LOXHD1: variants seen among roughly 807,000 people sequenced by gnomAD.
LOXHD1 encodes lipoxygenase homology PLAT domains 1.
A neutral mutation model predicts 248.2 loss-of-function variants in LOXHD1; 205 were observed. That is an observed-to-expected ratio of 0.83 (90% CI 0.74 to 0.93). The LOEUF is 0.93. Among genes scored for constraint, LOXHD1 ranks in the 40% least tolerant of loss-of-function variants. LOXHD1 has a pLI of 0.00. For missense variants in LOXHD1, 2,930 were observed against 2,971.6 expected (o/e 0.99, Z 0.33); for synonymous variants, 1,113 against 1,162.8 (o/e 0.96, Z 0.87).
intron 4 of LOXHD1, among the ~76,000 whole-genome samples, chr18:46,637,860 T>A (rs1443472946): frequency 6.6e-6 from 1 of 152,202 alleles, no homozygotes; most frequent in Non-Finnish European, 1.5e-5. Context: ...TCAAAAGCTT[T>A]AAGCATGTAC....
At chr18:46,478,194 A>G (rs1307621815) in intron 40 of LOXHD1, among the ~76,000 whole-genome samples, 1 of 151,648 alleles carries the variant, frequency 6.6e-6, no homozygotes, top group Non-Finnish European at 1.5e-5. Context: ...TTTGCCCCTC[A>G]TACTCCATGT....
chr18:46,548,693 G>A (rs142794626), intron 21 of LOXHD1, among the ~76,000 whole-genome samples: 108 of 152,202 alleles, frequency 7.1e-4, no homozygotes, highest in African/African-American at 2.5e-3. Context: ...AAAGAGCTGG[G>A]GTCAGAGCAG....
In LOXHD1 at chr18:46,524,575, G is replaced by A. The variant is rs941555102; in HGVS notation, c.4767C>T (p.Asn1589=). Residue 1589 remains asparagine (N), a synonymous_variant, in exon 31 of 41, where the codon AAC becomes AAT. Coordinates refer to ENST00000642948, the MANE Select transcript of LOXHD1 (RefSeq NM_001384474.1). The part of the protein sequence containing the change: ...EKEYTGDRSS[N]CSSPADFWEI... ...CCCAGAAGTCAGCAGGGCTGCTGCA[G>A]TTGCTGCTGCGGTCCCCAGTGTACT... 5.2e-6 allele frequency: 8 copies of A among 1,551,760 alleles called. No homozygotes were observed. The highest frequency in any genetic ancestry group is 6.1e-6 in the Non-Finnish European group (7 of 1,147,004).
At chr18:46,547,387 T>A (rs1223490873) in intron 21 of LOXHD1, among the ~76,000 whole-genome samples, 2 of 152,204 alleles carry the variant, frequency 1.3e-5, no homozygotes, top group African/African-American at 4.8e-5. Flanking sequence ...TTCCAACCCT[T>A]TCCAGAATGA....
intron 4 of LOXHD1, among the ~76,000 whole-genome samples, chr18:46,630,227 G>C (rs1239468482): frequency 6.6e-6 from 1 of 152,174 alleles, no homozygotes; most frequent in Non-Finnish European, 1.5e-5. Flanking sequence ...CAGCCCCCAG[G>C]TCAGCTGCAA....
rs771306615 is a variant in LOXHD1 at position 46,524,786 on chromosome 18, G to A, written c.4662C>T (p.Asp1554=). The A allele has an allele frequency of 3.6e-5, 56 of 1,551,506 alleles. No homozygotes were observed. Among genetic ancestry groups the A allele is most frequent in the Middle Eastern group, 1.7e-4 (1 of 6,014 alleles). ...KVEIWNDTNE[D]EFLFLCGRWL... ...AGCGCCCGCATAGGAACAGGAACTC[G>A]TCCTCGTTGGTGTCATTCCAGATCT... Residue 1554 remains aspartate (D), a synonymous_variant, in exon 30 of 41, where the codon GAC becomes GAT. Transcript: ENST00000642948.
intron 40 of LOXHD1, among the ~76,000 whole-genome samples, chr18:46,478,766 C>T (rs2032270225): frequency 6.6e-6 from 1 of 152,142 alleles, no homozygotes; most frequent in African/African-American, 2.4e-5. Context: ...GATCATAGCT[C>T]ACTATAACCT....
intron 8 of LOXHD1, among the ~76,000 whole-genome samples, chr18:46,598,923 G>C (rs1054639710): frequency 6.6e-6 from 1 of 152,076 alleles, no homozygotes; most frequent in Non-Finnish European, 1.5e-5. Flanking sequence ...TTCTTCATGG[G>C]ATTTGGCAAA....
rs1239421447 is a variant in LOXHD1 at position 46,507,604 on chromosome 18, T to C, written c.5626A>G (p.Ile1876Val). 1.1e-5 allele frequency: 17 copies of C among 1,551,746 alleles called. No individual in the cohort carries two copies. The highest frequency in any genetic ancestry group is 1.3e-5 in the Non-Finnish European group (15 of 1,146,994). The stretch of plus-strand genomic sequence containing the variant: ...CACTCCATCATTTCTTCCTCATCGA[T>C]AACGGCACACATTTCACACACCAGG... ...KTLVCEMCAV[I>V]DEEEMMEWTS... The change falls in exon 36 of 41, where the codon ATC (isoleucine) becomes GTC (valine). Residue 1876 changes from isoleucine to valine, a missense_variant. Physicochemically the swap from Ile to Val is conservative, Grantham distance 29. Transcript: ENST00000642948.
chr18:46,588,582 A>G (rs1348569821), intron 12 of LOXHD1, among the ~76,000 whole-genome samples: 1 of 152,158 alleles, frequency 6.6e-6, no homozygotes, highest in African/African-American at 2.4e-5. Context: ...CTCCACATAG[A>G]AGACCTAGCT....
At chr18:46,607,872 A>G (rs1019276838) in intron 6 of LOXHD1, among the ~76,000 whole-genome samples, 1 of 152,174 alleles carries the variant, frequency 6.6e-6, no homozygotes, top group Non-Finnish European at 1.5e-5. Flanking sequence ...AAGAGACCAG[A>G]ACAAATGCCA....
At chr18:46,526,688 C>G (rs548992073) in intron 29 of LOXHD1, among the ~76,000 whole-genome samples, 1 of 152,270 alleles carries the variant, frequency 6.6e-6, no homozygotes, top group African/African-American at 2.4e-5. Flanking sequence ...CAGGCTTGCA[C>G]TGAAAGAGTG....
At chr18:46,607,856 C>T (rs2038441329) in intron 6 of LOXHD1, among the ~76,000 whole-genome samples, 1 of 151,914 alleles carries the variant, frequency 6.6e-6, no homozygotes, top group South Asian at 2.1e-4. Context: ...ATTGGCTGTC[C>T]TGAGAAAGAG....
intron 14 of LOXHD1, among the ~76,000 whole-genome samples, chr18:46,576,909 G>T (rs1342019346): frequency 6.6e-6 from 1 of 152,148 alleles, no homozygotes. Flanking sequence ...ACTCATTACT[G>T]GGCAGCTGTG....
intron 12 of LOXHD1, among the ~76,000 whole-genome samples, chr18:46,581,593 C>T (rs2037963804): frequency 6.6e-6 from 1 of 152,020 alleles, no homozygotes; most frequent in Non-Finnish European, 1.5e-5. Context: ...AAATGAAATA[C>T]CCTATGGTGA....
At chr18:46,490,346 T>C (rs2033377787) in intron 37 of LOXHD1, among the ~76,000 whole-genome samples, 1 of 152,242 alleles carries the variant, frequency 6.6e-6, no homozygotes, top group Admixed American at 6.5e-5. Flanking sequence ...GGTCCTGGTA[T>C]AGCATCATTC....
intron 37 of LOXHD1, among the ~76,000 whole-genome samples, chr18:46,502,443 G>C (rs777038877): frequency 6.6e-6 from 1 of 152,168 alleles, no homozygotes; most frequent in Non-Finnish European, 1.5e-5. Flanking sequence ...CTCTGATCTT[G>C]GATCCGCAAC....
At chr18:46,557,849 A>G (rs1478585177) in intron 20 of LOXHD1, 3 of 1,280,392 alleles carry the variant, frequency 2.3e-6, no homozygotes, top group African/African-American at 3.0e-5. Context: ...ACCCTCTGCA[A>G]TGTGTGCAGG....
At chr18:46,577,998 G>C in intron 13 of LOXHD1, 131 bp from the exon 14 acceptor site, 1 of 883,304 alleles carries the variant, frequency 1.1e-6, no homozygotes, top group Non-Finnish European at 1.8e-6. Context: ...TCACACATGG[G>C]ACAGGAGCTA....
Sources: allele counts gnomAD v4.1 joint callset (sites outside exome capture counted in the v4.1 genomes callset), GRCh38; gene constraint gnomAD v4.1.1; transcripts MANE v1.5; gene names NCBI Gene and HGNC (gene_info 2026-07-23, HGNC 2026-07-21).